EEF1E1: variants seen among roughly 807,000 people sequenced by gnomAD.
The protein encoded by EEF1E1 is eukaryotic translation elongation factor 1 epsilon-1.
EEF1E1 carries 19 observed loss-of-function variants against 19.9 expected under a neutral mutation model. The ratio of observed to expected loss-of-function variants is 0.95; its 90% CI spans 0.66 to 1.40. EEF1E1 has a LOEUF of 1.40. EEF1E1 is among the 40% of genes most tolerant of loss of function. The pLI is 0.00. For synonymous variants in EEF1E1, 81 were observed against 80.0 expected (o/e 1.01, Z -0.07); for missense variants, 198 against 202.2 (o/e 0.98, Z 0.13).
intron 2 of EEF1E1, among the ~76,000 whole-genome samples, chr6:8,094,276 T>C (rs1215279360): frequency 2.6e-5 from 4 of 152,064 alleles, no homozygotes; most frequent in African/African-American, 9.7e-5. Context: ...ATATAGCTTT[T>C]AGCCTAGCAG....
chr6:8,087,430 C>A (rs1561883574), intron 3 of EEF1E1, among the ~76,000 whole-genome samples: 1 of 152,198 alleles, frequency 6.6e-6, no homozygotes, highest in Non-Finnish European at 1.5e-5. Flanking sequence ...GTTGGCCAGG[C>A]TGGTCTCGAA....
intron 1 of EEF1E1, 53 bp from the exon 2 acceptor site, chr6:8,097,520 A>G (rs1758207915): frequency 1.4e-6 from 2 of 1,462,984 alleles, no homozygotes; most frequent in South Asian, 1.2e-5. Context: ...CCACATCATG[A>G]TTATAACTTC....
chr6:8,073,414 G>T, exon 4 of EEF1E1: 1 of 1,548,316 alleles, frequency 6.5e-7, no homozygotes, highest in South Asian at 1.2e-5. Flanking sequence ...AGGTAAGTTT[G>T]AGCCAGACAT....
At chr6:8,102,168 T>C (rs1758384199) in intron 1 of EEF1E1, 1 of 1,241,122 alleles carries the variant, frequency 8.1e-7, no homozygotes, top group Non-Finnish European at 1.1e-6. Flanking sequence ...ACTGGTTTTG[T>C]TTCCTCATAA....
downstream of EEF1E1, among the ~76,000 whole-genome samples, chr6:8,076,485 G>A (rs1279317011): frequency 2.6e-5 from 4 of 151,574 alleles, no homozygotes; most frequent in Non-Finnish European, 5.9e-5. Flanking sequence ...CACCACGCCC[G>A]GCTAATTTTT....
In EEF1E1 at chr6:8,102,426, CCTT is replaced by C. The variant is rs553361853; in HGVS notation, c.87+6_87+8del. Reference sequence around the variant, plus strand: ...ACCTCTTCCCCTCCGCGCCGCCTCTCCTTCTCACCTGTCGCTCGCCCTGAGCAC... The same window carrying C: ...ACCTCTTCCCCTCCGCGCCGCCTCTCCTCACCTGTCGCTCGCCCTGAGCAC... On this transcript the variant is annotated splice_donor_region_variant and intron_variant, in intron 1 of 3. Transcript: ENST00000379715. 29 of 1,609,404 alleles carry C rather than the reference CCTT, an allele frequency of 1.8e-5. No homozygotes were observed. Among genetic ancestry groups the C allele is most frequent in the Non-Finnish European group, 2.2e-5 (26 of 1,178,882 alleles).
chr6:8,076,438 C>T (rs1335354572), downstream of EEF1E1, among the ~76,000 whole-genome samples: 1 of 152,124 alleles, frequency 6.6e-6, no homozygotes, highest in East Asian at 1.9e-4. Flanking sequence ...ATTCTCCTGT[C>T]TCAGCCTCTG....
chr6:8,076,778 C>T (rs1324909230), downstream of EEF1E1, among the ~76,000 whole-genome samples: 1 of 152,132 alleles, frequency 6.6e-6, no homozygotes, highest in East Asian at 1.9e-4. Context: ...GGTGTATTGT[C>T]ATTGAGCAGT....
At chr6:8,102,361 C>T (rs1372802466) in intron 1 of EEF1E1, 74 bp downstream of exon 1, 3 of 1,456,288 alleles carry the variant, frequency 2.1e-6, no homozygotes, top group Non-Finnish European at 2.8e-6. Context: ...TGGTGGCCGG[C>T]CCGGGTCCTG....
At chr6:8,083,837 T>C (rs1402497619) in intron 3 of EEF1E1, among the ~76,000 whole-genome samples, 2 of 152,168 alleles carry the variant, frequency 1.3e-5, no homozygotes, top group Admixed American at 6.5e-5. Flanking sequence ...TATCAGCAGG[T>C]GGCCAATCTG....
At chr6:8,085,459 T>C (rs1334558350) in intron 3 of EEF1E1, among the ~76,000 whole-genome samples, 2 of 152,198 alleles carry the variant, frequency 1.3e-5, no homozygotes, top group Non-Finnish European at 2.9e-5. Flanking sequence ...AGCCTTAATA[T>C]TGCTAATCTC....
downstream of EEF1E1, among the ~76,000 whole-genome samples, chr6:8,076,973 C>G (rs1448920582): frequency 3.0e-5 from 3 of 99,576 alleles, no homozygotes; most frequent in Non-Finnish European, 4.1e-5. Context: ...GATGGAGTCT[C>G]GCGCTGTCGC....
chr6:8,078,722 C>G (rs1757656517), downstream of EEF1E1: 1 of 1,285,690 alleles, frequency 7.8e-7, no homozygotes, highest in South Asian at 1.2e-5. Context: ...TTCTTATAAA[C>G]AAAACAATCA....
intron 3 of EEF1E1, among the ~76,000 whole-genome samples, chr6:8,087,805 CACATGTG>C (rs1334666163): frequency 7.2e-6 from 1 of 139,250 alleles, no homozygotes; most frequent in Non-Finnish European, 1.6e-5. Flanking sequence ...CAGGAAAAGA[CACATGTG>C]AGAGGCATTT....
chr6:8,100,986 G>A (rs1002515857), intron 1 of EEF1E1, among the ~76,000 whole-genome samples: 4 of 148,782 alleles, frequency 2.7e-5, no homozygotes, highest in Non-Finnish European at 5.9e-5. Context: ...AGCACTTTAG[G>A]AGGCCAGGGC....
At chr6:8,077,069 G>A (rs910593970), downstream of EEF1E1, among the ~76,000 whole-genome samples, 1 of 151,258 alleles carries the variant, frequency 6.6e-6, no homozygotes, top group Non-Finnish European at 1.5e-5. Flanking sequence ...TCAGCTTCCC[G>A]AGTAGCTGGG....
At chr6:8,084,291 C>G (rs1757790774) in intron 3 of EEF1E1, among the ~76,000 whole-genome samples, 1 of 152,202 alleles carries the variant, frequency 6.6e-6, no homozygotes, top group African/African-American at 2.4e-5. Context: ...TGCCTAAAAA[C>G]CAAGTACCCT....
intron 2 of EEF1E1, among the ~76,000 whole-genome samples, chr6:8,092,568 G>T (rs577151503): frequency 6.6e-6 from 1 of 152,240 alleles, no homozygotes; most frequent in African/African-American, 2.4e-5. Flanking sequence ...AATGAGACAG[G>T]CATGGAAGAA....
chr6:8,079,617 C>T lies in EEF1E1; in HGVS notation c.*273G>A. On this transcript the variant is annotated 3_prime_UTR_variant, in exon 4 of 4. Coordinates refer to ENST00000379715, the MANE Select transcript of EEF1E1 (RefSeq NM_004280.5). ...TTTTAAGATTAAGCCCGATTTGCAA[C>T]TTTTATTGAAATAAATGTCATCTAC... 9.1e-7 allele frequency: 1 copy of T among 1,098,146 alleles called. No homozygotes were observed. The highest frequency in any genetic ancestry group is 1.1e-6 in the Non-Finnish European group (1 of 900,086). 68.0% of individuals were successfully genotyped at this position (1,098,146 alleles called of 1,614,324 possible).
Sources: gnomAD v4.1 joint callset for allele counts (sites outside exome capture counted in the v4.1 genomes callset) on GRCh38, gnomAD v4.1.1 for gene constraint, MANE v1.5 for transcripts, NCBI Gene and HGNC (gene_info 2026-07-23, HGNC 2026-07-21) for gene names.